The following AFF3 variants were observed in gnomAD, a reference collection of about 807,000 sequenced individuals.
AFF3 encodes the protein AF4/FMR2 family member 3.
AFF3 carries 32 observed loss-of-function variants against 129.7 expected under a neutral mutation model. The observed-to-expected ratio is 0.25, with a 90% CI of 0.19 to 0.33. The LOEUF is 0.33. Among genes scored for constraint, AFF3 ranks in the 10% least tolerant of loss-of-function variants. The pLI, the probability that AFF3 is intolerant of heterozygous loss-of-function variation, is 1.00. For synonymous variants in AFF3, 644 were observed against 635.4 expected, an observed-to-expected ratio of 1.01 and a Z score of -0.20; for missense variants, 1,373 against 1,592.0, an observed-to-expected ratio of 0.86 and a Z score of 2.34.
chr2:100,057,705 G>A (rs774037046), intron 4 of AFF3, among the ~76,000 whole-genome samples: 46 of 152,142 alleles, frequency 3.0e-4, no homozygotes, highest in Non-Finnish European at 5.3e-4. Context: ...CCACAATCTC[G>A]TAAAGTCTTT....
intron 18 of AFF3, among the ~76,000 whole-genome samples, chr2:99,576,593 G>A (rs537920097): frequency 5.2e-4 from 79 of 151,222 alleles, no homozygotes; most frequent in Admixed American, 8.5e-4. Context: ...TTCTGACCTA[G>A]CTTTCTGGTT....
In AFF3 at chr2:99,770,810, C is replaced by T. The variant is rs993535650; in HGVS notation, c.922-18509G>A. On this transcript the variant is annotated intron_variant, in intron 8 of 24. Transcript: ENST00000672756. ...GGTACGGCCTGAAAATGGGGCCTCA[C>T]AGCTCTGACTGGTACCCTATCCCTC... 2.0e-5 allele frequency among the ~76,000 whole-genome samples: 3 copies of T among 152,134 alleles called. No individual in the cohort carries two copies. The East Asian group carries it at 5.8e-4, about 29-fold the overall frequency.
At chr2:99,813,621 A>G (rs954203071) in intron 8 of AFF3, among the ~76,000 whole-genome samples, 6 of 152,188 alleles carry the variant, frequency 3.9e-5, no homozygotes, top group African/African-American at 1.4e-4. Flanking sequence ...AAAAAATATG[A>G]AAAAGAATCA....
chr2:99,567,871 T>G (rs1330719143), intron 19 of AFF3, among the ~76,000 whole-genome samples: 1 of 152,256 alleles, frequency 6.6e-6, no homozygotes, highest in African/African-American at 2.4e-5. Flanking sequence ...CTTAAAAATC[T>G]GATGCTCTTC....
chr2:99,796,552 C>T (rs1685568534), intron 8 of AFF3, among the ~76,000 whole-genome samples: 1 of 152,118 alleles, frequency 6.6e-6, no homozygotes, highest in Non-Finnish European at 1.5e-5. Context: ...GGCTATAGCA[C>T]AGGGAGGGGA....
intron 15 of AFF3, among the ~76,000 whole-genome samples, chr2:99,590,490 G>A (rs1678559562): frequency 6.6e-6 from 1 of 152,184 alleles, no homozygotes. Flanking sequence ...CACCACTATG[G>A]TCCCATGCAT....
intron 11 of AFF3, among the ~76,000 whole-genome samples, chr2:99,708,152 A>G (rs1677574437): frequency 6.6e-6 from 1 of 152,178 alleles, no homozygotes; most frequent in African/African-American, 2.4e-5. Context: ...CATATTGTAA[A>G]AAATTACTGT....
intron 7 of AFF3, among the ~76,000 whole-genome samples, chr2:99,864,139 C>T (rs1409747757): frequency 1.3e-5 from 2 of 152,214 alleles, no homozygotes; most frequent in South Asian, 2.1e-4. Context: ...TGCAGCTTAT[C>T]TAGCTTTCCC....
At chr2:100,027,724 T>C (rs1354136946) in intron 4 of AFF3, among the ~76,000 whole-genome samples, 1 of 152,210 alleles carries the variant, frequency 6.6e-6, no homozygotes, top group Non-Finnish European at 1.5e-5. Context: ...AAGTATGTAA[T>C]AAAATTAGAA....
intron 4 of AFF3, among the ~76,000 whole-genome samples, chr2:100,095,917 C>A (rs372536831): frequency 1.3e-5 from 2 of 152,128 alleles, no homozygotes; most frequent in African/African-American, 4.8e-5. Flanking sequence ...GTTGGCCGAG[C>A]GGGGATGCAA....
chr2:99,834,426 C>G (rs923968716), intron 8 of AFF3, among the ~76,000 whole-genome samples: 2 of 152,180 alleles, frequency 1.3e-5, no homozygotes, highest in African/African-American at 4.8e-5. Context: ...CCTCAGTCAA[C>G]GTCAGCTCTT....
At position 99,872,067 on chromosome 2, in the gene AFF3, G is replaced by A. The variant is rs567445365; in HGVS notation, c.874-34543C>T. On this transcript the variant is annotated intron_variant, in intron 7 of 24. Transcript: ENST00000672756. ...TAAAAATACAAAAAATTAGCCAGTC[G>A]TGGTGGTGGGCGCCTGTAGTCCCAG... Among the ~76,000 whole-genome samples, 809 of 151,824 alleles carry A rather than the reference G, an allele frequency of 5.3e-3. 5 individuals are homozygous for A. The highest frequency in any genetic ancestry group is 9.4e-3 in the Non-Finnish European group (640 of 67,948).
intron 7 of AFF3, among the ~76,000 whole-genome samples, chr2:99,875,886 C>A (rs1355003520): frequency 6.6e-6 from 1 of 152,130 alleles, no homozygotes; most frequent in Non-Finnish European, 1.5e-5. Flanking sequence ...GCCGTCCCTG[C>A]GAAGGCCATT....
intron 8 of AFF3, among the ~76,000 whole-genome samples, chr2:99,808,124 C>T (rs920279342): frequency 1.3e-5 from 2 of 152,086 alleles, no homozygotes; most frequent in Admixed American, 6.6e-5. Flanking sequence ...AAAGAGAGGC[C>T]GGAAGAACTC....
chr2:100,058,546 A>C (rs1686989757), intron 4 of AFF3, among the ~76,000 whole-genome samples: 1 of 152,212 alleles, frequency 6.6e-6, no homozygotes, highest in East Asian at 1.9e-4. Context: ...GCAGCTCATT[A>C]GGGACTCAGT....
At chr2:100,064,512 A>C (rs1241573568) in intron 4 of AFF3, among the ~76,000 whole-genome samples, 1 of 152,252 alleles carries the variant, frequency 6.6e-6, no homozygotes, top group Admixed American at 6.5e-5. Context: ...CTACTAAATT[A>C]AGATGGTGTG....
chr2:99,758,125 C>A (rs769117972), intron 8 of AFF3, among the ~76,000 whole-genome samples: 9 of 152,188 alleles, frequency 5.9e-5, no homozygotes, highest in African/African-American at 9.6e-5. Context: ...CCTTTCTCTC[C>A]TTTCTGTTAC....
chr2:99,841,307 C>T (rs1001856572), intron 7 of AFF3, among the ~76,000 whole-genome samples: 15 of 152,210 alleles, frequency 9.9e-5, no homozygotes, highest in African/African-American at 3.1e-4. Context: ...ATACTTCTCT[C>T]ATCACTGGAG....
At chr2:99,913,010 C>T (rs1456872103) in intron 7 of AFF3, among the ~76,000 whole-genome samples, 1 of 152,142 alleles carries the variant, frequency 6.6e-6, no homozygotes, top group Non-Finnish European at 1.5e-5. Flanking sequence ...CCCCACACTC[C>T]ATCAGAGCCT....
Sources: allele counts gnomAD v4.1 joint callset (sites outside exome capture counted in the v4.1 genomes callset), GRCh38; gene constraint gnomAD v4.1.1; transcripts MANE v1.5; gene names NCBI Gene and HGNC (gene_info 2026-07-23, HGNC 2026-07-21).